Variants in TMPRSS15 observed in about 807,000 individuals in gnomAD.
The protein encoded by TMPRSS15 is enteropeptidase.
Under a neutral mutation model 125.3 loss-of-function variants are expected in TMPRSS15, and 128 were observed. The observed-to-expected ratio is 1.02, with a 90% CI of 0.89 to 1.18. The LOEUF (loss-of-function observed/expected upper bound fraction) is 1.18. TMPRSS15 is among the 50% of genes most tolerant of loss of function. The probability of loss-of-function intolerance (pLI) is 0.00; values close to 1 mark genes in which losing one functional copy is unlikely to be tolerated. For missense variants in TMPRSS15, 1,283 were observed against 1,212.7 expected (o/e 1.06, Z -0.86); for synonymous variants, 446 against 423.2 (o/e 1.05, Z -0.66).
intron 5 of TMPRSS15, 87 bp from the exon 6 acceptor site, chr21:18,372,411 C>T: frequency 8.3e-7 from 1 of 1,202,166 alleles, no homozygotes; most frequent in Non-Finnish European, 1.2e-6. Context: ...CACTGGGGTT[C>T]TTACTTATAA....
chr21:18,299,639 TCA>T (rs1340428662), intron 18 of TMPRSS15, among the ~76,000 whole-genome samples: 9 of 152,182 alleles, frequency 5.9e-5, no homozygotes, highest in Non-Finnish European at 8.8e-5. Context: ...TTGTGTTTGA[TCA>T]TTTCTAGTTT....
intron 21 of TMPRSS15, among the ~76,000 whole-genome samples, chr21:18,291,985 T>C (rs556435278): frequency 9.9e-5 from 15 of 152,194 alleles, no homozygotes; most frequent in Non-Finnish European, 1.8e-4. Flanking sequence ...GACACATTCC[T>C]TGCTGGTCAT....
intron 10 of TMPRSS15, among the ~76,000 whole-genome samples, chr21:18,351,533 T>A (rs1288000334): frequency 2.0e-5 from 3 of 152,146 alleles, no homozygotes; most frequent in Non-Finnish European, 4.4e-5. Flanking sequence ...TGGTTTTATA[T>A]GTGTTTGACA....
chr21:18,303,196 G>A (rs2074991712), intron 18 of TMPRSS15, among the ~76,000 whole-genome samples: 1 of 152,060 alleles, frequency 6.6e-6, no homozygotes, highest in Non-Finnish European at 1.5e-5. Context: ...TTGTAGATTT[G>A]CCTCTTTATT....
At chr21:18,315,794 G>A (rs975169770) in intron 16 of TMPRSS15, among the ~76,000 whole-genome samples, 41 of 135,422 alleles carry the variant, frequency 3.0e-4, no homozygotes, top group East Asian at 2.9e-3. Flanking sequence ...GTATACACAT[G>A]TAACAAACCT....
chr21:18,322,016 A>G (rs1455272222), intron 16 of TMPRSS15, among the ~76,000 whole-genome samples: 1 of 152,250 alleles, frequency 6.6e-6, no homozygotes, highest in Admixed American at 6.5e-5. Context: ...ATACTAATTT[A>G]ACAGTATAAA....
intron 1 of TMPRSS15, among the ~76,000 whole-genome samples, chr21:18,420,400 A>G (rs532445148): frequency 1.7e-3 from 262 of 151,814 alleles, no homozygotes; most frequent in Non-Finnish European, 2.6e-3. Context: ...AAGTCTATTG[A>G]ATTTTCTATT....
At chr21:18,279,365 G>T (rs1453387400) in intron 22 of TMPRSS15, among the ~76,000 whole-genome samples, 1 of 120,700 alleles carries the variant, frequency 8.3e-6, no homozygotes, top group Non-Finnish European at 1.6e-5. Context: ...TCACTCGGTC[G>T]CCCAGGCTGG....
chr21:18,297,794 T>A lies in TMPRSS15; in HGVS notation c.2201A>T (p.Asp734Val). 1 of 1,613,716 alleles carries A rather than the reference T, an allele frequency of 6.2e-7. No individual in the cohort carries two copies. Among genetic ancestry groups the A allele is most frequent in the African/African-American group, 1.3e-5 (1 of 75,002 alleles). ...GTTTAATTTGACAAATGGTCCACCATCGGTAGGGAAGATTGGCTTTGATGA... is the reference window on the plus strand; with the variant it reads ...GTTTAATTTGACAAATGGTCCACCAACGGTAGGGAAGATTGGCTTTGATGA... ...GNSSKPIFPT[D>V]GGPFVKLNTA... The change falls in exon 19 of 25, where the codon GAT becomes GTT. Residue 734 changes from aspartate to valine, a missense_variant. Physicochemically the swap from Asp to Val is radical, Grantham distance 152. Coordinates refer to ENST00000284885, the MANE Select transcript of TMPRSS15 (RefSeq NM_002772.3).
chr21:18,465,019 C>T (rs970048543), intron 1 of TMPRSS15, among the ~76,000 whole-genome samples: 1 of 152,132 alleles, frequency 6.6e-6, no homozygotes, highest in Admixed American at 6.5e-5. Flanking sequence ...CAATAAAATA[C>T]AGGCAAAACG....
At chr21:18,427,062 G>T (rs2076204090) in intron 1 of TMPRSS15, among the ~76,000 whole-genome samples, 2 of 152,162 alleles carry the variant, frequency 1.3e-5, no homozygotes, top group Non-Finnish European at 1.5e-5. Context: ...CCATTTCATT[G>T]TAATTAATAT....
intron 13 of TMPRSS15, among the ~76,000 whole-genome samples, chr21:18,333,679 GC>G (rs2075365719): frequency 1.3e-5 from 2 of 152,068 alleles, no homozygotes; most frequent in Non-Finnish European, 2.9e-5. Context: ...CGATCTGGTA[GC>G]CAACATTGCG....
chr21:18,355,381 TAAA>T (rs999938881), intron 8 of TMPRSS15, among the ~76,000 whole-genome samples: 8 of 151,818 alleles, frequency 5.3e-5, no homozygotes, highest in African/African-American at 1.9e-4. Flanking sequence ...TGTGCTAGTC[TAAA>T]AAGTCCAGGA....
intron 16 of TMPRSS15, among the ~76,000 whole-genome samples, chr21:18,323,918 T>C (rs2075265062): frequency 6.6e-6 from 1 of 152,178 alleles, no homozygotes; most frequent in East Asian, 1.9e-4. Context: ...ACATGAGAAA[T>C]ATTACTTCAT....
intron 6 of TMPRSS15, among the ~76,000 whole-genome samples, chr21:18,365,589 TCCTTCCTTCCTTC>T (rs2075721683): frequency 3.8e-5 from 5 of 132,124 alleles, no homozygotes; most frequent in African/African-American, 1.2e-4. Context: ...TCTTTTTCCT[TCCTTCCTTCCTTC>T]TTTCCTTCCT....
intron 23 of TMPRSS15, among the ~76,000 whole-genome samples, chr21:18,277,813 A>C (rs1411890143): frequency 1.3e-5 from 2 of 152,222 alleles, no homozygotes; most frequent in Admixed American, 6.5e-5. Flanking sequence ...AGGTTCTCTT[A>C]TCAGACTACA....
In TMPRSS15 at chr21:18,344,028, C is replaced by T. The variant is rs141821069; in HGVS notation, c.1204G>A (p.Gly402Arg). The T allele has an allele frequency of 6.2e-7, 1 of 1,613,856 alleles. No homozygotes were observed. Among genetic ancestry groups the T allele is most frequent in the African/African-American group, 1.3e-5 (1 of 74,912 alleles). ...FYISTPTGPGGRQERVGLLSL... is the reference protein window; with the variant it reads ...FYISTPTGPGRRQERVGLLSL... ...AAAAGCCCCACTCGTTCTTGTCTCC[C>T]TCCTGGTCCAGTTGGGGTAGAAATG... The change falls in exon 11 of 25, where the codon GGG (glycine) becomes AGG (arginine). Residue 402 changes from glycine to arginine, a missense_variant. Physicochemically the swap from Gly to Arg is moderately radical, Grantham distance 125. Transcript: ENST00000284885.
intron 17 of TMPRSS15, among the ~76,000 whole-genome samples, chr21:18,314,850 T>C (rs1417516615): frequency 6.6e-6 from 1 of 151,976 alleles, no homozygotes; most frequent in Non-Finnish European, 1.5e-5. Context: ...GCCTGCTTGG[T>C]TTGGAATATT....
intron 3 of TMPRSS15, among the ~76,000 whole-genome samples, chr21:18,386,532 G>T (rs1213138238): frequency 6.6e-6 from 1 of 152,040 alleles, no homozygotes; most frequent in African/African-American, 2.4e-5. Context: ...ATTTATTTCT[G>T]CAATACTTCC....
Sources: gnomAD v4.1 joint callset for allele counts (sites outside exome capture counted in the v4.1 genomes callset) on GRCh38, gnomAD v4.1.1 for gene constraint, MANE v1.5 for transcripts, NCBI Gene and HGNC (gene_info 2026-07-23, HGNC 2026-07-21) for gene names.